STK36: variants seen among roughly 807,000 people sequenced by gnomAD.
STK36 encodes serine/threonine kinase 36.
A neutral mutation model predicts 142.2 loss-of-function variants in STK36; 116 were observed. The observed-to-expected ratio is 0.82, with a 90% CI of 0.70 to 0.95. The LOEUF (loss-of-function observed/expected upper bound fraction) is 0.95. Ranked by LOEUF, STK36 falls within the 40% of genes least tolerant of loss-of-function variation. The probability of loss-of-function intolerance (pLI) is 0.00; values close to 1 mark genes in which losing one functional copy is unlikely to be tolerated. For missense variants in STK36, 1,422 were observed against 1,617.2 expected, an observed-to-expected ratio of 0.88 and a Z score of 2.07; for synonymous variants, 619 against 641.7, an observed-to-expected ratio of 0.96 and a Z score of 0.53.
At chr2:218,684,309 T>A (rs1940677553) in intron 10 of STK36, among the ~76,000 whole-genome samples, 1 of 148,204 alleles carries the variant, frequency 6.7e-6, no homozygotes, top group South Asian at 2.2e-4. Flanking sequence ...TGGGTGGGGT[T>A]TCTCCATGTT....
At position 218,694,114 on chromosome 2, in the gene STK36, C is replaced by G; in HGVS notation, c.2336+131C>G. The G allele has an allele frequency of 8.4e-7, 1 of 1,189,038 alleles. No homozygotes were observed. 73.7% of individuals were successfully genotyped at this position (1,189,038 alleles called of 1,614,324 possible). ...TGGGATAGAGAGCGTGAAGCTTTCT[C>G]TACAAAGAACAGACCTAGACTCCCA... On this transcript the variant is annotated intron_variant, in intron 19 of 26. Coordinates refer to ENST00000295709, the MANE Select transcript of STK36 (RefSeq NM_015690.5). This position sits in a 1 kb window ranked among gnomAD's most constrained non-coding sequence, Gnocchi z 4.4.
intron 23 of STK36, 43 bp downstream of exon 23, chr2:218,697,256 T>C: frequency 6.3e-7 from 1 of 1,578,684 alleles, no homozygotes; most frequent in Non-Finnish European, 8.6e-7. Context: ...CATTGATCTC[T>C]CTTCAAGAGG....
intron 10 of STK36, among the ~76,000 whole-genome samples, chr2:218,682,849 T>G (rs1433174673): frequency 6.6e-6 from 1 of 152,160 alleles, no homozygotes; most frequent in East Asian, 1.9e-4. Flanking sequence ...CGCGTCAGCC[T>G]CACAAAGTGC....
chr2:218,677,531 A>T (rs866701057), intron 6 of STK36, among the ~76,000 whole-genome samples: 38 of 152,322 alleles, frequency 2.5e-4, no homozygotes, highest in Middle Eastern at 6.8e-3. Flanking sequence ...ATGCTTTATC[A>T]CAATGAAAAG....
chr2:218,694,184 C>T lies in STK36; in HGVS notation c.2337-80C>T. 7.7e-7 allele frequency: 1 copy of T among 1,292,226 alleles called. No homozygotes were observed. The highest frequency in any genetic ancestry group is 1.1e-6 in the Non-Finnish European group (1 of 888,800). 80.0% of individuals were successfully genotyped at this position (1,292,226 alleles called of 1,614,324 possible). A position where few individuals can be genotyped will look rare whatever the true frequency, so the allele number is the denominator to read the frequency against. On this transcript the variant is annotated intron_variant, in intron 19 of 26. Coordinates refer to ENST00000295709, the MANE Select transcript of STK36 (RefSeq NM_015690.5). This position sits in a 1 kb window ranked among gnomAD's most constrained non-coding sequence, Gnocchi z 4.4. ...GTAGACATGCAGCCTAGGTGAAGAA[C>T]ACCATGCAAGGGAGAGGGGAGGCCG... is the stretch of plus-strand genomic sequence containing the variant.
At position 218,694,518 on chromosome 2, in the gene STK36, C is replaced by T; in HGVS notation, c.2401-7C>T. On this transcript the variant is annotated splice_polypyrimidine_tract_variant and splice_region_variant and intron_variant, in intron 20 of 26. Coordinates refer to ENST00000295709, the MANE Select transcript of STK36 (RefSeq NM_015690.5). The surrounding 1 kb of genome is among the most constrained non-coding windows in gnomAD (Gnocchi z 4.4). ...ACATTCTTTCTCCTCTTTTACCTCT[C>T]CCACAGAGTGCAGCAGCCTGTCTAT... The T allele has an allele frequency of 6.2e-7, 1 of 1,613,632 alleles. No homozygotes were observed. The highest frequency in any genetic ancestry group is 2.2e-5 in the East Asian group (1 of 44,880).
At chr2:218,674,039 G>C in intron 4 of STK36, 83 bp downstream of exon 4, 3 of 1,341,060 alleles carry the variant, frequency 2.2e-6, no homozygotes, top group Non-Finnish European at 3.1e-6. Flanking sequence ...AGGACACTGA[G>C]AGTCTCCATT....
chr2:218,688,333 T>C, intron 11 of STK36: 1 of 471,422 alleles, frequency 2.1e-6, no homozygotes, highest in Non-Finnish European at 4.2e-6. Context: ...TATTGTTTTA[T>C]ATGCATTGTT....
In STK36 at chr2:218,672,398, G is replaced by C. The variant is rs986261024; in HGVS notation, c.-90+183G>C. On this transcript the variant is annotated intron_variant, in intron 1 of 26. Transcript: ENST00000295709. Reference sequence around the variant, plus strand: ...AGGGGCTCTGGCCTGCGAAGCGCACGGGCCAGGGGGTCTGAGAGCGGGTGC... The same window carrying C: ...AGGGGCTCTGGCCTGCGAAGCGCACCGGCCAGGGGGTCTGAGAGCGGGTGC... The C allele has an allele frequency of 1.0e-5, 3 of 289,810 alleles. No individual in the cohort carries two copies. In the South Asian group the frequency reaches 1.2e-4, roughly 12 times the overall value. 18.0% of individuals were successfully genotyped at this position (289,810 alleles called of 1,614,324 possible). A position where few individuals can be genotyped will look rare whatever the true frequency, so the allele number is the denominator to read the frequency against.
chr2:218,684,315 A>T (rs915734813), intron 10 of STK36, among the ~76,000 whole-genome samples: 1 of 145,066 alleles, frequency 6.9e-6, no homozygotes, highest in African/African-American at 2.6e-5. Context: ...GGGTTTCTCC[A>T]TGTTGGTCAG....
intron 26 of STK36, among the ~76,000 whole-genome samples, chr2:218,700,374 T>G (rs1941398897): frequency 6.6e-6 from 1 of 152,014 alleles, no homozygotes; most frequent in Admixed American, 6.6e-5. Flanking sequence ...GGCTAATCTT[T>G]GTATTTTTAT....
chr2:218,675,896 T>A, intron 5 of STK36, 133 bp from the exon 6 acceptor site: 1 of 1,149,852 alleles, frequency 8.7e-7, no homozygotes, highest in Admixed American at 2.1e-5. Flanking sequence ...AGGCTGGGAC[T>A]GCTGCTGGGT....
intron 25 of STK36, among the ~76,000 whole-genome samples, 188 bp downstream of exon 25, chr2:218,698,189 G>A (rs1333774733): frequency 6.6e-6 from 1 of 152,158 alleles, no homozygotes; most frequent in Non-Finnish European, 1.5e-5. Flanking sequence ...GTGGGAGCTG[G>A]GTTGGTGCCT....
intron 17 of STK36, 59 bp downstream of exon 17, chr2:218,693,403 A>G (rs1941090920): frequency 2.0e-6 from 3 of 1,508,758 alleles, no homozygotes; most frequent in Admixed American, 3.4e-5. Flanking sequence ...GCAGACAGAG[A>G]AGCAGAGAAA....
chr2:218,684,614 T>G (rs1940696955), intron 10 of STK36: 1 of 151,468 alleles, frequency 6.6e-6, no homozygotes, highest in Non-Finnish European at 1.5e-5. Context: ...GAGAGGGGGG[T>G]TTCACCACAT....
chr2:218,701,763 C>T (rs995337898), intron 26 of STK36, 103 bp from the exon 27 acceptor site: 20 of 1,408,682 alleles, frequency 1.4e-5, no homozygotes, highest in East Asian at 2.4e-5. Flanking sequence ...TTCCTCTTCT[C>T]GAGTGGGAAT....
At chr2:218,696,804 T>C in intron 22 of STK36, 1 of 894,302 alleles carries the variant, frequency 1.1e-6, no homozygotes. Context: ...TGGGATCCAG[T>C]GGGAGATAAA....
chr2:218,702,150 A>G lies in STK36; in HGVS notation c.*141A>G. 9.6e-7 allele frequency: 1 copy of G among 1,039,120 alleles called. No homozygotes were observed. Among genetic ancestry groups the G allele is most frequent in the Admixed American group, 3.0e-5 (1 of 33,380 alleles). The allele number at this position is 1,039,120 out of a possible 1,614,324, so 64.4% of individuals were successfully genotyped here. On this transcript the variant is annotated 3_prime_UTR_variant, in exon 27 of 27. Transcript: ENST00000295709. ...ACTCAACTGAGAACAAGAAACTAGA[A>G]GAGATTTATATATAAAGCTTCTTCC...
intron 17 of STK36, among the ~76,000 whole-genome samples, 175 bp from the exon 18 acceptor site, chr2:218,693,548 C>T (rs939173002): frequency 1.3e-5 from 2 of 152,144 alleles, no homozygotes; most frequent in South Asian, 4.1e-4. Flanking sequence ...TCAGCGGAAC[C>T]GAGAAGGGTC....
Sources: gnomAD v4.1 joint callset for allele counts (sites outside exome capture counted in the v4.1 genomes callset) on GRCh38, gnomAD v4.1.1 for gene constraint, Gnocchi (gnomAD v3.1) non-coding constraint, MANE v1.5 for transcripts, NCBI Gene and HGNC (gene_info 2026-07-23, HGNC 2026-07-21) for gene names.